Variants in AP3D1 observed in about 807,000 individuals in gnomAD.
AP3D1 encodes the protein adaptor related protein complex 3 subunit delta 1, also known as AP-3 complex subunit delta-1.
Under a neutral mutation model 147.6 loss-of-function variants are expected in AP3D1, and 51 were observed. The observed-to-expected ratio is 0.35, with a 90% CI of 0.28 to 0.44. The LOEUF (loss-of-function observed/expected upper bound fraction) is 0.44. Among genes scored for constraint, AP3D1 ranks in the 20% least tolerant of loss-of-function variants. The pLI, the probability that AP3D1 is intolerant of heterozygous loss-of-function variation, is 1.00. For synonymous variants in AP3D1, 760 were observed against 663.0 expected (o/e 1.15, Z -2.25); for missense variants, 1,421 against 1,624.2 (o/e 0.87, Z 2.15).
chr19:2,145,451 T>C (rs1859953), intron 1 of AP3D1, among the ~76,000 whole-genome samples: 48,099 of 152,186 alleles, frequency 0.32, 8,999 homozygotes, highest in Non-Finnish European at 0.43. Flanking sequence ...GGGCGATGTA[T>C]GCAGCATCTG....
intron 10 of AP3D1, 95 bp downstream of exon 10, chr19:2,123,735 G>T: frequency 7.0e-7 from 1 of 1,429,988 alleles, no homozygotes; most frequent in Non-Finnish European, 9.5e-7. Context: ...GGGGGGACCA[G>T]CACCTTGGTC....
At chr19:2,158,877 A>C (rs2019670940) in intron 1 of AP3D1, among the ~76,000 whole-genome samples, 1 of 152,148 alleles carries the variant, frequency 6.6e-6, no homozygotes, top group Non-Finnish European at 1.5e-5. Flanking sequence ...TAAACTATAA[A>C]CTAAGTTACT....
Position 2,123,826 on chromosome 19 carries a change from G to T in AP3D1, c.906+4C>A. The stretch of plus-strand genomic sequence containing the variant: ...CCATGGGCCCCGCCCAGTGCGGGAC[G>T]TACCTGGATGCTGGCGCTGTGGTTG... On this transcript the variant is annotated splice_donor_region_variant and intron_variant, in intron 10 of 31. Coordinates refer to ENST00000643116, the MANE Select transcript of AP3D1 (RefSeq NM_001261826.3). 1.3e-6 allele frequency: 2 copies of T among 1,570,990 alleles called. No individual in the cohort carries two copies. Among genetic ancestry groups the T allele is most frequent in the South Asian group, 2.3e-5 (2 of 85,584 alleles).
intron 1 of AP3D1, among the ~76,000 whole-genome samples, chr19:2,157,441 C>CAAAAAAAAAAAA (rs137939397): frequency 3.0e-5 from 3 of 101,124 alleles, no homozygotes; most frequent in Non-Finnish European, 5.1e-5. Flanking sequence ...GACTCCGTCT[C>CAAAAAAAAAAAA]AAAAAAAAAA....
chr19:2,164,292 C>G lies in AP3D1; in HGVS notation c.-103+64G>C. ...TGAGTGCCGCCCTCCACCGTCCCTA[C>G]CTCCCGGCCTCCCCTCCTCCGCCGC... On this transcript the variant is annotated intron_variant, in intron 1 of 14. Transcript: ENST00000643010. 2.4e-6 allele frequency: 3 copies of G among 1,239,408 alleles called. No individual in the cohort carries two copies. The African/African-American group carries it at 4.7e-5, about 19-fold the overall frequency. 76.8% of individuals were successfully genotyped at this position (1,239,408 alleles called of 1,614,324 possible). A position where few individuals can be genotyped will look rare whatever the true frequency, so the allele number is the denominator to read the frequency against.
In AP3D1 at chr19:2,112,034, C is replaced by T. The variant is rs150110874; in HGVS notation, c.2788-206G>A. Reference sequence around the variant, plus strand: ...GGAGGCTGGGGCCGTCTCTGGTTGGCGGCAAGCGCCAAAGCAGCCCGGGGA... The same window carrying T: ...GGAGGCTGGGGCCGTCTCTGGTTGGTGGCAAGCGCCAAAGCAGCCCGGGGA... On this transcript the variant is annotated intron_variant, in intron 24 of 31. Coordinates refer to ENST00000643116, the MANE Select transcript of AP3D1 (RefSeq NM_001261826.3). 169 of 756,666 alleles carry T rather than the reference C, an allele frequency of 2.2e-4. No individual in the cohort carries two copies. In the African/African-American group the frequency reaches 2.5e-3, roughly 11 times the overall value. The allele number at this position is 756,666 out of a possible 1,614,324, so 46.9% of individuals were successfully genotyped here.
chr19:2,128,466 C>T (rs1380466372), intron 8 of AP3D1, among the ~76,000 whole-genome samples: 4 of 112,000 alleles, frequency 3.6e-5, no homozygotes, highest in African/African-American at 1.2e-4. Context: ...GGAGCCGGCC[C>T]GCCCCCGCCG....
At chr19:2,120,765 T>C (rs1055032377) in intron 14 of AP3D1, 97 bp downstream of exon 14, 22 of 1,266,402 alleles carry the variant, frequency 1.7e-5, no homozygotes, top group Non-Finnish European at 2.4e-5. Flanking sequence ...GGCAGGGCGA[T>C]GGGAGACGGT....
In AP3D1 at chr19:2,110,815, G is replaced by T; in HGVS notation, c.3067C>A (p.Leu1023Ile). 2 of 1,613,688 alleles carry T rather than the reference G, an allele frequency of 1.2e-6. No homozygotes were observed. The highest frequency in any genetic ancestry group is 1.7e-6 in the Non-Finnish European group (2 of 1,180,014). Residue 1023 changes from leucine to isoleucine, a missense_variant, in exon 27 of 32, where the codon CTC becomes ATC. Coordinates refer to ENST00000643116, the MANE Select transcript of AP3D1 (RefSeq NM_001261826.3). ...AGCACGCTGAGCTCCATGCCCTTGA[G>T]GATGCTGCTGCTCCTGTTCTCCAGC... Reference protein sequence around the residue: ...IVLENRSSSILKGMELSVLDS... With the variant: ...IVLENRSSSIIKGMELSVLDS...
At chr19:2,122,972 A>G (rs750843252) in intron 11 of AP3D1, among the ~76,000 whole-genome samples, 24 of 152,356 alleles carry the variant, frequency 1.6e-4, no homozygotes, top group Non-Finnish European at 3.4e-4. Context: ...GTGCTGCTCT[A>G]TCTCACAACG....
chr19:2,147,913 C>T (rs142785124), intron 1 of AP3D1, among the ~76,000 whole-genome samples: 63 of 144,758 alleles, frequency 4.4e-4, no homozygotes, highest in African/African-American at 1.6e-3. Context: ...GGCTGGGCAC[C>T]GTGGCTCACA....
chr19:2,157,456 A>AG lies in AP3D1; in HGVS notation c.-103+6899_-103+6900insC, dbSNP rs1386096896. ...GACTCCGTCTCAAAAAAAAAAAAAA[A>AG]AAAAGAAAAAAACAAACATCTACCC... On this transcript the variant is annotated intron_variant, in intron 1 of 14. Coordinates refer to the AP3D1 transcript ENST00000643010. Among the ~76,000 whole-genome samples the AG allele has an allele frequency of 1.8e-3, 271 of 148,070 alleles. 6 individuals are homozygous for AG. The highest frequency in any genetic ancestry group is 6.2e-3 in the African/African-American group (244 of 39,130).
At chr19:2,120,016 C>T (rs1352078577) in intron 14 of AP3D1, among the ~76,000 whole-genome samples, 3 of 151,988 alleles carry the variant, frequency 2.0e-5, no homozygotes, top group Non-Finnish European at 4.4e-5. Context: ...GGCTGGGGAC[C>T]CTTTCGGGAT....
rs1227167029 is a variant in AP3D1 at position 2,129,035 on chromosome 19, C to T, written c.806+55G>A. 6.0e-6 allele frequency: 8 copies of T among 1,327,858 alleles called. 3 individuals carry two copies. In the African/African-American group the frequency reaches 9.0e-5, roughly 15 times the overall value. The allele number at this position is 1,327,858 out of a possible 1,614,324, so 82.3% of individuals were successfully genotyped here. A position where few individuals can be genotyped will look rare whatever the true frequency, so the allele number is the denominator to read the frequency against. ...TGGAGCCGGCCCGCCCCCGCCGCTC[C>T]GACACTGCACCCCGTGGAGCCGGCC... is the stretch of plus-strand genomic sequence containing the variant. On this transcript the variant is annotated intron_variant, in intron 8 of 31. Transcript: ENST00000643116.
chr19:2,158,113 T>C (rs1226519813), intron 1 of AP3D1, among the ~76,000 whole-genome samples: 2 of 152,072 alleles, frequency 1.3e-5, no homozygotes, highest in African/African-American at 4.8e-5. Flanking sequence ...TGCAGTGCAG[T>C]GGTGCGATCT....
Position 2,127,104 on chromosome 19 carries a change from A to G in AP3D1, c.856+48T>C, listed in dbSNP as rs143725043. 2,413 of 1,599,642 alleles carry G rather than the reference A, an allele frequency of 1.5e-3. 8 individuals are homozygous for G. Among genetic ancestry groups the G allele is most frequent in the Non-Finnish European group, 1.2e-3 (1,372 of 1,167,572 alleles). ...CCCTCCTGTCCCCACCTGAGACCCCAGCCTGGCAGTGCCAGCCCTTCCAGA... is the reference window on the plus strand; with the variant it reads ...CCCTCCTGTCCCCACCTGAGACCCCGGCCTGGCAGTGCCAGCCCTTCCAGA... On this transcript the variant is annotated intron_variant, in intron 9 of 31. Coordinates refer to ENST00000643116, the MANE Select transcript of AP3D1 (RefSeq NM_001261826.3).
rs377278024 is a variant in AP3D1 at position 2,114,829 on chromosome 19, G to C, written c.2350-8C>G. Reference sequence around the variant, plus strand: ...GTCGCTGGGCAGAGCATTCTGACAGGAAGAGAGGAACCCCATCACTGGAAC... The same window carrying C: ...GTCGCTGGGCAGAGCATTCTGACAGCAAGAGAGGAACCCCATCACTGGAAC... On this transcript the variant is annotated splice_region_variant and splice_polypyrimidine_tract_variant and intron_variant, in intron 20 of 31. Coordinates refer to ENST00000643116, the MANE Select transcript of AP3D1 (RefSeq NM_001261826.3). The C allele has an allele frequency of 6.2e-7, 1 of 1,613,814 alleles. No individual in the cohort carries two copies. The highest frequency in any genetic ancestry group is 1.7e-5 in the Admixed American group (1 of 59,996).
chr19:2,159,803 C>T (rs534324172), intron 1 of AP3D1, among the ~76,000 whole-genome samples: 1 of 152,000 alleles, frequency 6.6e-6, no homozygotes, highest in Admixed American at 6.6e-5. Flanking sequence ...CAGGTTCATG[C>T]CATTCTCTTG....
At chr19:2,161,376 G>T (rs1421292027) in intron 1 of AP3D1, among the ~76,000 whole-genome samples, 1 of 151,756 alleles carries the variant, frequency 6.6e-6, no homozygotes, top group Non-Finnish European at 1.5e-5. Flanking sequence ...TGGCCAGGCT[G>T]GTCTCGAACT....
Sources: gnomAD v4.1 joint callset for allele counts (sites outside exome capture counted in the v4.1 genomes callset) on GRCh38, gnomAD v4.1.1 for gene constraint, MANE v1.5 for transcripts, NCBI Gene and HGNC (gene_info 2026-07-23, HGNC 2026-07-21) for gene names.